The following GUCY2D variants were observed in gnomAD, a reference collection of about 807,000 sequenced individuals.
The protein encoded by GUCY2D is retinal guanylyl cyclase 1.
GUCY2D carries 70 observed loss-of-function variants against 101.3 expected under a neutral mutation model. The observed-to-expected ratio is 0.69, with a 90% CI of 0.57 to 0.84. The LOEUF (loss-of-function observed/expected upper bound fraction) is 0.84, where lower values mean the gene tolerates loss of function less well. Among genes scored for constraint, GUCY2D ranks in the 40% least tolerant of loss-of-function variants. GUCY2D has a pLI of 0.00. For synonymous variants in GUCY2D, 688 were observed against 670.7 expected, an observed-to-expected ratio of 1.03 and a Z score of -0.40; for missense variants, 1,460 against 1,542.5, an observed-to-expected ratio of 0.95 and a Z score of 0.90.
Position 8,015,006 on chromosome 17 carries a change from C to T in GUCY2D, c.2724C>T (p.Leu908=), listed in dbSNP as rs1359312753. Residue 908 remains leucine, a synonymous_variant, in exon 14 of 20, where the codon CTC becomes CTT. Coordinates refer to ENST00000254854, the MANE Select transcript of GUCY2D (RefSeq NM_000180.4). ...AGGTTGTGGACCTGCTCAACGATCT[C>T]TACACACTCTTTGATGCCATCATTG... ...PIEVVDLLND[L]YTLFDAIIGS... The T allele has an allele frequency of 1.2e-6, 2 of 1,613,982 alleles. No homozygotes were observed. The highest frequency in any genetic ancestry group is 1.3e-5 in the African/African-American group (1 of 74,914).
chr17:8,010,571 C>T (rs1199462368), intron 8 of GUCY2D, among the ~76,000 whole-genome samples: 1 of 151,984 alleles, frequency 6.6e-6, no homozygotes, highest in Non-Finnish European at 1.5e-5. Context: ...CTTTGGGAGG[C>T]CGAGGCGGGC....
Position 8,016,530 on chromosome 17 carries a change from AG to A in GUCY2D, c.*1del, listed in dbSNP as rs1347561642. The A allele has an allele frequency of 1.3e-6, 2 of 1,555,862 alleles. No individual in the cohort carries two copies. The highest frequency in any genetic ancestry group is 1.7e-6 in the Non-Finnish European group (2 of 1,149,588). ...AGGCGCGGCCGGGCCAGTTCTCTTGAGAAGTGAGGCCCGGCCCCGGACAGGT... is the reference window on the plus strand; with the variant it reads ...AGGCGCGGCCGGGCCAGTTCTCTTGAAAGTGAGGCCCGGCCCCGGACAGGT... On this transcript the variant is annotated 3_prime_UTR_variant, in exon 19 of 20. Transcript: ENST00000254854.
rs764439180 is a variant in GUCY2D, at chr17:8,013,898, G to A, written c.2282G>A (p.Arg761Gln). ...CCTCCAGAAGTGGTGCAGAGGGTGCGGAGCCCCCCTCCACTGTGTCGGCCC... is the reference window on the plus strand; with the variant it reads ...CCTCCAGAAGTGGTGCAGAGGGTGCAGAGCCCCCCTCCACTGTGTCGGCCC... ...LTPEEVVQRV[R>Q]SPPPLCRPLV... Residue 761 changes from arginine to glutamine, a missense_variant, in exon 12 of 20, where the codon CGG becomes CAG. Around this residue, in one of 3 missense-constraint regions of GUCY2D, gnomAD observed 1,196 missense variants for 1,229.6 expected, o/e 0.97. Coordinates refer to ENST00000254854, the MANE Select transcript of GUCY2D (RefSeq NM_000180.4). This position sits in a 1 kb window ranked among gnomAD's most constrained non-coding sequence, Gnocchi z 5.0. 22 of 1,613,252 alleles carry A rather than the reference G, an allele frequency of 1.4e-5. No homozygotes were observed. The highest frequency in any genetic ancestry group is 4.0e-5 in the African/African-American group (3 of 74,924).
rs948820666 is a variant in GUCY2D, at chr17:8,016,736, A to T, written c.*24+182A>T. 86 of 584,530 alleles carry T rather than the reference A, an allele frequency of 1.5e-4. No homozygotes were observed. In the African/African-American group the frequency reaches 1.5e-3, roughly 11 times the overall value. 36.2% of individuals were successfully genotyped at this position (584,530 alleles called of 1,614,324 possible). On this transcript the variant is annotated intron_variant, in intron 19 of 19. Transcript: ENST00000254854. ...AGGAATTTTGGTTCAGTAGATCTGG[A>T]GTGGTTTGGAAATCCAGGCTTAGGA...
At position 8,013,728 on chromosome 17, in the gene GUCY2D, C is replaced by CT; in HGVS notation, c.2264-151dup. On this transcript the variant is annotated intron_variant, in intron 11 of 19. Transcript: ENST00000254854. The surrounding 1 kb of genome is among the most constrained non-coding windows in gnomAD (Gnocchi z 5.0). ...TAGCAACCCCCTTCCACACTATACTCTCCCTCCACACACACACACTGAACC... is the reference window on the plus strand; with the variant it reads ...TAGCAACCCCCTTCCACACTATACTCTTCCCTCCACACACACACACTGAACC... 1 of 692,564 alleles carries CT rather than the reference C, an allele frequency of 1.4e-6. No homozygotes were observed. Among genetic ancestry groups the CT allele is most frequent in the Non-Finnish European group, 2.6e-6 (1 of 386,340 alleles). The allele number at this position is 692,564 out of a possible 1,614,324, so 42.9% of individuals were successfully genotyped here.
At position 8,015,408 on chromosome 17, in the gene GUCY2D, C is replaced by A. The variant is rs750005559; in HGVS notation, c.2850C>A (p.Ala950=). 4 of 1,613,674 alleles carry A rather than the reference C, an allele frequency of 2.5e-6. No homozygotes were observed. Among genetic ancestry groups the A allele is most frequent in the Non-Finnish European group, 3.4e-6 (4 of 1,179,960 alleles). ...GGCAGCGACACGCGGCAGAGATCGC[C>A]AACATGTCACTGGACATCCTCAGTG... The part of the protein sequence containing the change: ...RNGQRHAAEI[A]NMSLDILSAV... Residue 950 remains alanine, a synonymous_variant, in exon 15 of 20, where the codon GCC becomes GCA. Transcript: ENST00000254854.
Position 8,013,516 on chromosome 17 carries a change from C to A in GUCY2D, c.2263+264C>A. 1 of 584,446 alleles carries A rather than the reference C, an allele frequency of 1.7e-6. No individual in the cohort carries two copies. Among genetic ancestry groups the A allele is most frequent in the Non-Finnish European group, 3.1e-6 (1 of 325,816 alleles). The allele number at this position is 584,446 out of a possible 1,614,324, so 36.2% of individuals were successfully genotyped here. ...CTGTTTCCACAACTGACAGAACAGA[C>A]TCCTCTCTGTTCTCAGGGGTCCCTG... On this transcript the variant is annotated intron_variant, in intron 11 of 19. Transcript: ENST00000254854. The surrounding 1 kb of genome is among the most constrained non-coding windows in gnomAD (Gnocchi z 5.0).
rs566986521 is a variant in GUCY2D, at chr17:8,010,808, C to CAA, written c.1749+1239_1749+1240dup. Among the ~76,000 whole-genome samples the CAA allele has an allele frequency of 5.5e-3, 391 of 71,594 alleles. 2 individuals carry two copies. The highest frequency in any genetic ancestry group is 0.015 in the African/African-American group (318 of 21,756). 47.0% of individuals were successfully genotyped at this position (71,594 alleles called of 152,430 possible). A position where few individuals can be genotyped will look rare whatever the true frequency, so the allele number is the denominator to read the frequency against. ...TGGGCGACAGAGCAAGATTCCGTCT[C>CAA]AAAAAAAAAAAAAAAAAAGGAAAGG... On this transcript the variant is annotated intron_variant, in intron 8 of 19. Transcript: ENST00000254854.
Position 8,014,600 on chromosome 17 carries a change from G to A in GUCY2D, c.2413-1G>A. ...CTTTACCAGCTTCCTTCTACTGCTA[G>A]TTCAAGAACATCAACAAGGGCCGGA... On this transcript the variant is annotated splice_acceptor_variant, in intron 12 of 19. Transcript: ENST00000254854. LOFTEE classifies it high-confidence loss of function. This position sits in a 1 kb window ranked among gnomAD's most constrained non-coding sequence, Gnocchi z 4.0. 1 of 1,614,120 alleles carries A rather than the reference G, an allele frequency of 6.2e-7. No homozygotes were observed. The highest frequency in any genetic ancestry group is 1.1e-5 in the South Asian group (1 of 91,086).
chr17:8,017,711 TGA>T (rs1313279817), intron 19 of GUCY2D, among the ~76,000 whole-genome samples: 5 of 152,148 alleles, frequency 3.3e-5, no homozygotes. Context: ...TCTTTTTTTT[TGA>T]GTCTCACTTT....
rs1454435304 is a variant in GUCY2D, at chr17:8,014,393, G to A, written c.2413-208G>A. 18 of 642,706 alleles carry A rather than the reference G, an allele frequency of 2.8e-5. No homozygotes were observed. The highest frequency in any genetic ancestry group is 4.8e-5 in the Non-Finnish European group (17 of 355,756). The allele number at this position is 642,706 out of a possible 1,614,324, so 39.8% of individuals were successfully genotyped here. ...TACTAGCTGAGATCAACTGACCTCT[G>A]GGAACCCTCATTTCCCACGTGCCTC... On this transcript the variant is annotated intron_variant, in intron 12 of 19. Coordinates refer to ENST00000254854, the MANE Select transcript of GUCY2D (RefSeq NM_000180.4). This position sits in a 1 kb window ranked among gnomAD's most constrained non-coding sequence, Gnocchi z 4.0.
rs1975922353 is a variant in GUCY2D at position 8,014,547 on chromosome 17, A to G, written c.2413-54A>G. ...GAGGGCCCATGAGGGGGGCATAAAGAGGGCATGGCAACCCAGGTCTTCAGC... is the reference window on the plus strand; with the variant it reads ...GAGGGCCCATGAGGGGGGCATAAAGGGGGCATGGCAACCCAGGTCTTCAGC... On this transcript the variant is annotated intron_variant, in intron 12 of 19. Coordinates refer to ENST00000254854, the MANE Select transcript of GUCY2D (RefSeq NM_000180.4). The surrounding 1 kb of genome is among the most constrained non-coding windows in gnomAD (Gnocchi z 4.0). 4 of 1,569,244 alleles carry G rather than the reference A, an allele frequency of 2.5e-6. No individual in the cohort carries two copies. Among genetic ancestry groups the G allele is most frequent in the Non-Finnish European group, 3.5e-6 (4 of 1,140,152 alleles).
chr17:8,015,429 C>T lies in GUCY2D; in HGVS notation c.2871C>T (p.Leu957=). The T allele has an allele frequency of 1.9e-6, 3 of 1,613,744 alleles. No homozygotes were observed. Among genetic ancestry groups the T allele is most frequent in the Non-Finnish European group, 2.5e-6 (3 of 1,179,750 alleles). The change falls in exon 15 of 20, where the codon CTC becomes CTT. Residue 957 remains leucine (L), a synonymous_variant. Transcript: ENST00000254854. ...AEIANMSLDI[L]SAVGTFRMRH... ...TCGCCAACATGTCACTGGACATCCT[C>T]AGTGCCGTGGGCACTTTCCGCATGC... is the stretch of plus-strand genomic sequence containing the variant.
chr17:8,014,256 A>G lies in GUCY2D; in HGVS notation c.2412+228A>G. 3.3e-6 allele frequency: 2 copies of G among 613,124 alleles called. No individual in the cohort carries two copies. The highest frequency in any genetic ancestry group is 2.8e-5 in the East Asian group (1 of 36,276). The allele number at this position is 613,124 out of a possible 1,614,324, so 38.0% of individuals were successfully genotyped here. On this transcript the variant is annotated intron_variant, in intron 12 of 19. Transcript: ENST00000254854. This position sits in a 1 kb window ranked among gnomAD's most constrained non-coding sequence, Gnocchi z 4.0. ...TCTGTCTGGGTGGGAGGAATATTCA[A>G]TTCAATTCAAATAACACTGATTGAG... is the stretch of plus-strand genomic sequence containing the variant.
rs752521534 is a variant in GUCY2D at position 8,007,914 on chromosome 17, T to A, written c.1567-17T>A. The A allele has an allele frequency of 4.6e-6, 7 of 1,532,120 alleles. No homozygotes were observed. The highest frequency in any genetic ancestry group is 6.3e-6 in the Non-Finnish European group (7 of 1,105,504). The allele number at this position is 1,532,120 out of a possible 1,614,324, so 94.9% of individuals were successfully genotyped here. ...CAGAATATATTTTGACCTCTTGCATTGACCTCTACCTGCTAGGTGGCCCAG... is the reference window on the plus strand; with the variant it reads ...CAGAATATATTTTGACCTCTTGCATAGACCTCTACCTGCTAGGTGGCCCAG... On this transcript the variant is annotated splice_polypyrimidine_tract_variant and intron_variant, in intron 6 of 19. Coordinates refer to ENST00000254854, the MANE Select transcript of GUCY2D (RefSeq NM_000180.4).
chr17:8,007,545 G>A lies in GUCY2D; in HGVS notation c.1566+17G>A, dbSNP rs140657975. 1,013 of 1,476,470 alleles carry A rather than the reference G, an allele frequency of 6.9e-4. 4 individuals are homozygous for A. The African/African-American group carries it at 0.012, about 18-fold the overall frequency. The allele number at this position is 1,476,470 out of a possible 1,614,324, so 91.5% of individuals were successfully genotyped here. On this transcript the variant is annotated intron_variant, in intron 6 of 19. Transcript: ENST00000254854. ...TCTCGAAAGGTGGGGGAGGCAGAGAGGCAGGAGCCAGTTGTCTTCTTTCCG... is the reference window on the plus strand; with the variant it reads ...TCTCGAAAGGTGGGGGAGGCAGAGAAGCAGGAGCCAGTTGTCTTCTTTCCG...
intron 3 of GUCY2D, 107 bp downstream of exon 3, chr17:8,004,263 G>A (rs1297618121): frequency 9.6e-7 from 1 of 1,038,250 alleles, no homozygotes; most frequent in Non-Finnish European, 1.4e-6. Flanking sequence ...GGCAGCTCTA[G>A]CTGTTTGGAG....
Position 8,013,721 on chromosome 17 carries a change from CTA to C in GUCY2D, c.2264-156_2264-155del. The C allele has an allele frequency of 1.5e-6, 1 of 678,106 alleles. No individual in the cohort carries two copies. Among genetic ancestry groups the C allele is most frequent in the Non-Finnish European group, 2.6e-6 (1 of 379,278 alleles). 42.0% of individuals were successfully genotyped at this position (678,106 alleles called of 1,614,324 possible). The stretch of plus-strand genomic sequence containing the variant: ...TTCCTCCTAGCAACCCCCTTCCACA[CTA>C]TACTCTCCCTCCACACACACACACT... On this transcript the variant is annotated intron_variant, in intron 11 of 19. Transcript: ENST00000254854. This position sits in a 1 kb window ranked among gnomAD's most constrained non-coding sequence, Gnocchi z 5.0.
chr17:8,015,549 G>T, intron 15 of GUCY2D, 47 bp downstream of exon 15: 2 of 1,547,552 alleles, frequency 1.3e-6, no homozygotes, highest in Non-Finnish European at 1.8e-6. Context: ...CCTCTTTAGG[G>T]CCTGGCCCCA....
Sources: allele counts gnomAD v4.1 joint callset (sites outside exome capture counted in the v4.1 genomes callset), GRCh38; gene constraint gnomAD v4.1.1; regional missense constraint gnomAD v4.1.1; non-coding constraint Gnocchi (gnomAD v3.1); transcripts MANE v1.5; gene names NCBI Gene and HGNC (gene_info 2026-07-23, HGNC 2026-07-21).